Variants in COL14A1 observed in about 807,000 individuals in gnomAD.
COL14A1 encodes collagen alpha-1(XIV) chain.
A neutral mutation model predicts 230.3 loss-of-function variants in COL14A1; 136 were observed. That is an observed-to-expected ratio of 0.59 (90% confidence interval 0.51 to 0.68). The LOEUF is 0.68. COL14A1 is among the 30% of genes least tolerant of loss of function. The pLI is 0.00. For missense variants in COL14A1, 1,976 were observed against 2,215.8 expected (o/e 0.89, Z 2.17); for synonymous variants, 792 against 784.1 (o/e 1.01, Z -0.17).
intron 5 of COL14A1, among the ~76,000 whole-genome samples, chr8:120,190,812 A>G (rs1816797871): frequency 6.6e-6 from 1 of 151,796 alleles, no homozygotes; most frequent in Non-Finnish European, 1.5e-5. Flanking sequence ...TTTCTTCTAG[A>G]TTTTCTAGTT....
chr8:120,272,722 A>G (rs1819708947), intron 26 of COL14A1, among the ~76,000 whole-genome samples: 2 of 151,820 alleles, frequency 1.3e-5, no homozygotes. Context: ...ATAATGATAA[A>G]AGGATTGATC....
intron 20 of COL14A1, among the ~76,000 whole-genome samples, chr8:120,247,294 G>A (rs553593585): frequency 3.3e-5 from 5 of 152,226 alleles, no homozygotes; most frequent in African/African-American, 9.6e-5. Flanking sequence ...GTGGTGGTAC[G>A]TGCCTGTAGT....
At chr8:120,217,925 A>C (rs189326398) in intron 14 of COL14A1, among the ~76,000 whole-genome samples, 103 of 148,102 alleles carry the variant, frequency 7.0e-4, no homozygotes, top group African/African-American at 2.5e-3. Flanking sequence ...GTTTTGCTTG[A>C]CACATGAGGC....
intron 19 of COL14A1, chr8:120,231,845 A>T: frequency 2.1e-6 from 1 of 480,072 alleles, no homozygotes; most frequent in South Asian, 3.8e-5. Flanking sequence ...TAACCTCTGA[A>T]CATTGTTTCA....
rs79010762 is a variant in COL14A1 at position 120,320,465 on chromosome 8, A to C, written c.4659+4468A>C. Among the ~76,000 whole-genome samples, 730 of 152,324 alleles carry C rather than the reference A, an allele frequency of 4.8e-3. 7 individuals carry two copies. Among genetic ancestry groups the C allele is most frequent in the African/African-American group, 0.017 (692 of 41,570 alleles). On this transcript the variant is annotated intron_variant, in intron 40 of 47. Transcript: ENST00000297848. ...TATGCAGGTTTTATGTCTACAAAGG[A>C]CATATTTGTGATGAATATCCCATTT... is the stretch of plus-strand genomic sequence containing the variant.
intron 34 of COL14A1, among the ~76,000 whole-genome samples, chr8:120,297,255 T>C (rs1230242179): frequency 6.6e-6 from 1 of 151,948 alleles, no homozygotes; most frequent in African/African-American, 2.4e-5. Flanking sequence ...GCTTACTCTT[T>C]AAGTAGAAAT....
chr8:120,332,959 T>C (rs1821922276), intron 42 of COL14A1, among the ~76,000 whole-genome samples: 1 of 152,286 alleles, frequency 6.6e-6, no homozygotes. Context: ...TAATCTGTCA[T>C]GCTTTTGCTT....
intron 1 of COL14A1, among the ~76,000 whole-genome samples, chr8:120,136,196 A>C (rs1298607028): frequency 1.3e-5 from 2 of 152,254 alleles, no homozygotes; most frequent in East Asian, 3.9e-4. Flanking sequence ...CTTAGGAGAA[A>C]AGCATTCAAT....
chr8:120,327,824 G>C (rs1821734178), intron 40 of COL14A1, among the ~76,000 whole-genome samples: 1 of 151,612 alleles, frequency 6.6e-6, no homozygotes, highest in African/African-American at 2.4e-5. Context: ...GAGTGCAGTG[G>C]TGCAATCTTG....
chr8:120,339,446 C>T (rs73706444), intron 42 of COL14A1, among the ~76,000 whole-genome samples: 2,278 of 152,236 alleles, frequency 0.015, 49 homozygotes, highest in African/African-American at 0.05. Context: ...TCCTCGGAAG[C>T]CCAGACTTTG....
chr8:120,138,828 T>C (rs899456993), intron 1 of COL14A1, among the ~76,000 whole-genome samples: 2 of 152,192 alleles, frequency 1.3e-5, no homozygotes, highest in African/African-American at 2.4e-5. Context: ...TCTTTTGTTG[T>C]TGTTTTTTTG....
In COL14A1 at chr8:120,223,684, CA is replaced by C. The variant is rs1177724684; in HGVS notation, c.1738-1397del. On this transcript the variant is annotated intron_variant, in intron 14 of 47. Coordinates refer to ENST00000297848, the MANE Select transcript of COL14A1 (RefSeq NM_021110.4). ...AGAACCTGTCTCCAAAAAACAACAA[CA>C]AAAAAAGGGATCTTATTGCTCTGCT... Among the ~76,000 whole-genome samples, 5 of 151,872 alleles carry C rather than the reference CA, an allele frequency of 3.3e-5. No homozygotes were observed. In the South Asian group the frequency reaches 1.0e-3, roughly 32 times the overall value.
chr8:120,228,802 T>C, intron 18 of COL14A1, 33 bp downstream of exon 18: 7 of 1,588,212 alleles, frequency 4.4e-6, no homozygotes, highest in African/African-American at 1.3e-5. Flanking sequence ...TTAACCACTT[T>C]AAAAATTTTC....
chr8:120,289,348 T>A (rs1281406699), intron 33 of COL14A1, among the ~76,000 whole-genome samples: 1 of 152,164 alleles, frequency 6.6e-6, no homozygotes, highest in Non-Finnish European at 1.5e-5. Flanking sequence ...GCTCTCGAGT[T>A]AGGCCGGACT....
rs762243928 is a variant in COL14A1 at position 120,297,554 on chromosome 8, C to T, written c.4280C>T (p.Ala1427Val). 6.9e-7 allele frequency: 1 copy of T among 1,447,350 alleles called. No individual in the cohort carries two copies. The highest frequency in any genetic ancestry group is 2.6e-5 in the East Asian group (1 of 38,030). 89.7% of individuals were successfully genotyped at this position (1,447,350 alleles called of 1,614,324 possible). ...MFDIVCSTSW[A>V]NTDKCCELPG... The stretch of plus-strand genomic sequence containing the variant: ...GATATTGTTTGCTCCACATCATGGG[C>T]CAATACAGACAAATGCTGTGAACTT... The change falls in exon 35 of 48, where the codon GCC (alanine) becomes GTC (valine). Residue 1427 changes from alanine to valine, a missense_variant. Around this residue, in one of 3 missense-constraint regions of COL14A1, gnomAD observed 1,791 missense variants for 2,019.5 expected, o/e 0.89. Transcript: ENST00000297848.
At chr8:120,266,922 A>G (rs773312518) in intron 25 of COL14A1, 39 bp downstream of exon 25, 1 of 1,544,754 alleles carries the variant, frequency 6.5e-7, no homozygotes, top group Admixed American at 1.7e-5. Flanking sequence ...TTCTAGGTTT[A>G]GGATTTGTGT....
rs546744424 is a variant in COL14A1, at chr8:120,164,432, CTTG to C, written c.349+1867_349+1869del. On this transcript the variant is annotated intron_variant, in intron 4 of 47. Coordinates refer to ENST00000297848, the MANE Select transcript of COL14A1 (RefSeq NM_021110.4). ...CCTTCCCTCCCTTTTTTCTCTTCCTCTTGTTGGTAATATTTTGTGAGACTTATA... is the reference window on the plus strand; with the variant it reads ...CCTTCCCTCCCTTTTTTCTCTTCCTCTTGGTAATATTTTGTGAGACTTATA... Among the ~76,000 whole-genome samples, 58 of 152,064 alleles carry C rather than the reference CTTG, an allele frequency of 3.8e-4. 3 individuals are homozygous for C. In the South Asian group the frequency reaches 9.4e-3, roughly 25 times the overall value.
chr8:120,211,548 A>C (rs1304930859), intron 12 of COL14A1, among the ~76,000 whole-genome samples: 2 of 152,186 alleles, frequency 1.3e-5, no homozygotes, highest in Non-Finnish European at 2.9e-5. Flanking sequence ...AAGAATGAGA[A>C]AGACCTGTTG....
In COL14A1 at chr8:120,156,168, TGA is replaced by T. The variant is rs1371795715; in HGVS notation, c.89-1961_89-1960del. ...TTCATTCATCTAGCTCAATGAAGGG[TGA>T]CTTCTTTTTTTTTTTGAGATGGAGT... is the stretch of plus-strand genomic sequence containing the variant. On this transcript the variant is annotated intron_variant, in intron 2 of 47. Coordinates refer to ENST00000297848, the MANE Select transcript of COL14A1 (RefSeq NM_021110.4). Among the ~76,000 whole-genome samples the T allele has an allele frequency of 2.3e-4, 23 of 102,142 alleles. 1 individual carries two copies. The highest frequency in any genetic ancestry group is 8.7e-4 in the African/African-American group (21 of 24,032). The allele number at this position is 102,142 out of a possible 152,430, so 67.0% of individuals were successfully genotyped here.
Sources: gnomAD v4.1 joint callset for allele counts (sites outside exome capture counted in the v4.1 genomes callset) on GRCh38, gnomAD v4.1.1 for gene constraint, gnomAD v4.1.1 regional missense constraint, MANE v1.5 for transcripts, NCBI Gene and HGNC (gene_info 2026-07-23, HGNC 2026-07-21) for gene names.